The following ANKS1A variants were observed in gnomAD, a reference collection of about 807,000 sequenced individuals.
ANKS1A encodes the protein ankyrin repeat and SAM domain-containing protein 1A.
ANKS1A carries 55 observed loss-of-function variants against 120.3 expected under a neutral mutation model. The ratio of observed to expected loss-of-function variants is 0.46; its 90% confidence interval spans 0.37 to 0.57. The LOEUF (loss-of-function observed/expected upper bound fraction) is 0.57. Among genes scored for constraint, ANKS1A ranks in the 20% least tolerant of loss-of-function variants. The probability of loss-of-function intolerance (pLI) is 0.00; values close to 1 mark genes in which losing one functional copy is unlikely to be tolerated. For missense variants in ANKS1A, 1,123 were observed against 1,480.3 expected (o/e 0.76, Z 3.96); for synonymous variants, 590 against 604.7 (o/e 0.98, Z 0.36).
intron 1 of ANKS1A, among the ~76,000 whole-genome samples, chr6:34,927,411 G>A (rs896224799): frequency 6.6e-6 from 1 of 152,108 alleles, no homozygotes; most frequent in Non-Finnish European, 1.5e-5. Flanking sequence ...GGGATGGGAG[G>A]TGAGGGATAT....
chr6:35,058,563 G>A lies in ANKS1A; in HGVS notation c.2078-1584G>A, dbSNP rs1338855198. On this transcript the variant is annotated intron_variant, in intron 12 of 23. Coordinates refer to ENST00000360359, the MANE Select transcript of ANKS1A (RefSeq NM_015245.3). The surrounding 1 kb of genome is among the most constrained non-coding windows in gnomAD (Gnocchi z 5.1). ...AGGAGAGGGAGTGGAGGCTGGCAGA[G>A]TTGGTCACCAGGGTCTTGTAGATAA... 6.6e-6 allele frequency: 1 copy of A among 152,354 alleles called. No homozygotes were observed. The highest frequency in any genetic ancestry group is 1.5e-5 in the Non-Finnish European group (1 of 68,150). The allele number at this position is 152,354 out of a possible 1,614,324, so 9.4% of individuals were successfully genotyped here. A position where few individuals can be genotyped will look rare whatever the true frequency, so the allele number is the denominator to read the frequency against.
intron 10 of ANKS1A, among the ~76,000 whole-genome samples, chr6:35,002,008 C>A (rs993121612): frequency 6.6e-6 from 1 of 152,192 alleles, no homozygotes; most frequent in South Asian, 2.1e-4. Context: ...TAGGCAAAAC[C>A]TAAACATAAA....
At chr6:34,977,234 A>G (rs1172526121) in intron 3 of ANKS1A, among the ~76,000 whole-genome samples, 1 of 152,112 alleles carries the variant, frequency 6.6e-6, no homozygotes, top group Non-Finnish European at 1.5e-5. Flanking sequence ...CTGGGTATAC[A>G]TTTTTGGCAG....
At chr6:34,931,090 G>C (rs1768957138) in intron 1 of ANKS1A, among the ~76,000 whole-genome samples, 1 of 150,648 alleles carries the variant, frequency 6.6e-6, no homozygotes, top group Non-Finnish European at 1.5e-5. Context: ...TGTTGGTCAG[G>C]CTGGTCTTGA....
chr6:34,914,971 T>G (rs1234238106), intron 1 of ANKS1A, among the ~76,000 whole-genome samples: 1 of 152,228 alleles, frequency 6.6e-6, no homozygotes, highest in Non-Finnish European at 1.5e-5. Flanking sequence ...CTTGCCAAAC[T>G]GAGGTGATTG....
chr6:35,083,978 T>A (rs2127613104), intron 20 of ANKS1A, 143 bp from the exon 21 acceptor site: 4 of 1,328,988 alleles, frequency 3.0e-6, no homozygotes, highest in East Asian at 4.7e-5. Flanking sequence ...CCCCCACCAA[T>A]AAACAAAATG....
At chr6:35,068,325 CA>C (rs1776887071) in intron 13 of ANKS1A, among the ~76,000 whole-genome samples, 1 of 152,160 alleles carries the variant, frequency 6.6e-6, no homozygotes, top group Non-Finnish European at 1.5e-5. Context: ...GTCACAGTGT[CA>C]CGGTGAACCA....
intron 11 of ANKS1A, among the ~76,000 whole-genome samples, chr6:35,037,199 C>G (rs1227671237): frequency 6.6e-6 from 1 of 152,136 alleles, no homozygotes; most frequent in Non-Finnish European, 1.5e-5. Context: ...TGAATATTAC[C>G]TAGGCAAATC....
chr6:34,935,196 C>T (rs1303422833), intron 1 of ANKS1A, among the ~76,000 whole-genome samples: 1 of 152,216 alleles, frequency 6.6e-6, no homozygotes, highest in African/African-American at 2.4e-5. Flanking sequence ...AAGCCATCCT[C>T]CCACCTTAGC....
In ANKS1A at chr6:34,991,538, AT is replaced by A. The variant is rs1373458887; in HGVS notation, c.1302+2223del. On this transcript the variant is annotated intron_variant, in intron 9 of 23. Coordinates refer to ENST00000360359, the MANE Select transcript of ANKS1A (RefSeq NM_015245.3). ...TCCACATAGCCGGGAAAAAAAAAAT[AT>A]ATACACACACACACACACACACACA... Among the ~76,000 whole-genome samples, 16 of 111,320 alleles carry A rather than the reference AT, an allele frequency of 1.4e-4. No homozygotes were observed. The East Asian group carries it at 3.7e-3, about 25-fold the overall frequency. The allele number at this position is 111,320 out of a possible 152,430, so 73.0% of individuals were successfully genotyped here. A position where few individuals can be genotyped will look rare whatever the true frequency, so the allele number is the denominator to read the frequency against.
intron 9 of ANKS1A, among the ~76,000 whole-genome samples, chr6:34,993,737 G>T (rs1268229156): frequency 6.6e-6 from 1 of 152,188 alleles, no homozygotes; most frequent in East Asian, 1.9e-4. Flanking sequence ...TCTTGAGGAG[G>T]TGGGAAGGAT....
chr6:34,889,361 T>C lies in ANKS1A; in HGVS notation c.-42T>C, dbSNP rs1158151133. ...GTTTGGGAGCCCGAGCAGGCTCGGC[T>C]GCAGCCTCGGGGAGGGGGTCCAGCG... On this transcript the variant is annotated 5_prime_UTR_variant, in exon 1 of 24. Transcript: ENST00000360359. The surrounding 1 kb of genome is among the most constrained non-coding windows in gnomAD (Gnocchi z 5.5). The C allele has an allele frequency of 4.8e-6, 6 of 1,246,604 alleles. No individual in the cohort carries two copies. In the East Asian group the frequency reaches 1.3e-4, roughly 26 times the overall value. The allele number at this position is 1,246,604 out of a possible 1,614,324, so 77.2% of individuals were successfully genotyped here.
intron 10 of ANKS1A, among the ~76,000 whole-genome samples, chr6:35,012,485 G>T (rs1773810054): frequency 6.6e-6 from 1 of 152,228 alleles, no homozygotes; most frequent in African/African-American, 2.4e-5. Flanking sequence ...CAATCCTAAT[G>T]ATACGGAGAA....
chr6:34,945,381 A>G (rs1769739680), intron 1 of ANKS1A, among the ~76,000 whole-genome samples: 1 of 152,100 alleles, frequency 6.6e-6, no homozygotes, highest in Admixed American at 6.6e-5. Flanking sequence ...CCTGACCTTG[A>G]TTTATTTTAA....
At position 34,982,754 on chromosome 6, in the gene ANKS1A, G is replaced by A. The variant is rs1273506779; in HGVS notation, c.735G>A (p.Thr245=). 5 of 1,614,104 alleles carry A rather than the reference G, an allele frequency of 3.1e-6. No individual in the cohort carries two copies. The highest frequency in any genetic ancestry group is 2.7e-5 in the African/African-American group (2 of 74,938). ...CTGCGCTCTCGTTTGCTTTCCAGACGGAGATGGGCAGTGCTTTGCATGAGG... is the reference window on the plus strand; with the variant it reads ...CTGCGCTCTCGTTTGCTTTCCAGACAGAGATGGGCAGTGCTTTGCATGAGG... ...LDAGMDSNYQ[T]EMGSALHEAA... Residue 245 remains threonine (T), a splice_region_variant and synonymous_variant, in exon 5 of 24, where the codon ACG becomes ACA. Transcript: ENST00000360359. This position sits in a 1 kb window ranked among gnomAD's most constrained non-coding sequence, Gnocchi z 4.9.
Position 34,991,629 on chromosome 6 carries a change from T to C in ANKS1A, c.1302+2313T>C, listed in dbSNP as rs1471890836. 2.0e-5 allele frequency among the ~76,000 whole-genome samples: 3 copies of C among 146,764 alleles called. No homozygotes were observed. The Admixed American group carries it at 2.1e-4, about 10-fold the overall frequency. ...ATATATATACGTATATACACACACA[T>C]ATATACATATATACACACACATATA... On this transcript the variant is annotated intron_variant, in intron 9 of 23. Transcript: ENST00000360359.
chr6:35,048,531 A>C (rs1280408877), intron 11 of ANKS1A, among the ~76,000 whole-genome samples: 1 of 152,080 alleles, frequency 6.6e-6, no homozygotes. Context: ...AAATCAGGAC[A>C]AATAATTTAC....
At chr6:35,094,441 A>G (rs62402745), downstream of ANKS1A, among the ~76,000 whole-genome samples, 15 of 95,766 alleles carry the variant, frequency 1.6e-4, no homozygotes, top group Admixed American at 6.8e-4. Context: ...CTTCGTCTGG[A>G]AAAAAAAAAA....
chr6:34,934,308 C>T (rs560508120), intron 1 of ANKS1A, among the ~76,000 whole-genome samples: 184 of 152,048 alleles, frequency 1.2e-3, no homozygotes, highest in South Asian at 2.7e-3. Flanking sequence ...CCACCATGCC[C>T]GGCTAATTTT....
Sources: allele counts gnomAD v4.1 joint callset (sites outside exome capture counted in the v4.1 genomes callset), GRCh38; gene constraint gnomAD v4.1.1; non-coding constraint Gnocchi (gnomAD v3.1); transcripts MANE v1.5; gene names NCBI Gene and HGNC (gene_info 2026-07-23, HGNC 2026-07-21).